Variants in EEA1 observed in about 807,000 individuals in gnomAD.
EEA1 encodes early endosome antigen 1, 162kD.
EEA1 carries 111 observed loss-of-function variants against 209.2 expected under a neutral mutation model. That is an observed-to-expected ratio of 0.53 (90% CI 0.45 to 0.62). The LOEUF (loss-of-function observed/expected upper bound fraction) is 0.62. Among genes scored for constraint, EEA1 ranks in the 20% least tolerant of loss-of-function variants. The probability of loss-of-function intolerance (pLI) is 0.00; values close to 1 mark genes in which losing one functional copy is unlikely to be tolerated. For synonymous variants in EEA1, 536 were observed against 540.6 expected (o/e 0.99, Z 0.12); for missense variants, 1,343 against 1,530.8 (o/e 0.88, Z 2.05).
At chr12:92,780,885 C>T (rs148821371) in intron 23 of EEA1, among the ~76,000 whole-genome samples, 3 of 152,222 alleles carry the variant, frequency 2.0e-5, no homozygotes, top group Non-Finnish European at 4.4e-5. Flanking sequence ...CTAAAGCTCA[C>T]ACAACTAAAC....
At chr12:92,865,691 C>T (rs1333543638) in intron 2 of EEA1, among the ~76,000 whole-genome samples, 1 of 151,580 alleles carries the variant, frequency 6.6e-6, no homozygotes, top group African/African-American at 2.4e-5. Context: ...ATGAAATCAA[C>T]TTACTGGGTT....
intron 2 of EEA1, among the ~76,000 whole-genome samples, chr12:92,889,094 G>A (rs1303975802): frequency 6.6e-6 from 1 of 151,726 alleles, no homozygotes; most frequent in Non-Finnish European, 1.5e-5. Flanking sequence ...GGAGATTGCA[G>A]TGACCCAAGA....
At chr12:92,827,083 T>C (rs1876341896) in intron 12 of EEA1, among the ~76,000 whole-genome samples, 1 of 152,164 alleles carries the variant, frequency 6.6e-6, no homozygotes, top group South Asian at 2.1e-4. Flanking sequence ...TGGCCAGTTG[T>C]GGTGGCTCAC....
At chr12:92,908,000 A>G (rs947565525) in intron 1 of EEA1, among the ~76,000 whole-genome samples, 2 of 152,184 alleles carry the variant, frequency 1.3e-5, no homozygotes, top group African/African-American at 4.8e-5. Context: ...TAAAACCTAA[A>G]TGAACTAAAA....
intron 18 of EEA1, 119 bp from the exon 19 acceptor site, chr12:92,802,853 T>A: frequency 1.4e-6 from 1 of 722,472 alleles, no homozygotes; most frequent in Non-Finnish European, 2.1e-6. Flanking sequence ...AGTTCACAAG[T>A]AAAAATAATT....
At chr12:92,825,317 G>T (rs887096295) in intron 13 of EEA1, among the ~76,000 whole-genome samples, 1 of 152,086 alleles carries the variant, frequency 6.6e-6, no homozygotes, top group Non-Finnish European at 1.5e-5. Context: ...CGGGCACGGT[G>T]GCGGACGCCT....
chr12:92,777,724 G>A, intron 26 of EEA1, 61 bp from the exon 27 acceptor site: 1 of 1,509,978 alleles, frequency 6.6e-7, no homozygotes, highest in Non-Finnish European at 8.9e-7. Context: ...ACCCTTCTAG[G>A]GTATAGATAA....
intron 21 of EEA1, among the ~76,000 whole-genome samples, chr12:92,794,119 AC>A (rs1281214838): frequency 6.6e-6 from 1 of 152,268 alleles, no homozygotes; most frequent in Non-Finnish European, 1.5e-5. Flanking sequence ...GCCAACAGAC[AC>A]AGGAAAAAAT....
At chr12:92,904,815 A>G (rs553444909) in intron 1 of EEA1, among the ~76,000 whole-genome samples, 1 of 152,330 alleles carries the variant, frequency 6.6e-6, no homozygotes, top group South Asian at 2.1e-4. Flanking sequence ...TTCTGTCCCC[A>G]TGAATTTAGA....
intron 13 of EEA1, among the ~76,000 whole-genome samples, chr12:92,820,866 T>C (rs911745870): frequency 6.6e-6 from 1 of 152,046 alleles, no homozygotes; most frequent in Non-Finnish European, 1.5e-5. Context: ...CAATTCTCCC[T>C]CACCCCTCAC....
At chr12:92,914,454 G>A (rs764894015) in intron 1 of EEA1, among the ~76,000 whole-genome samples, 5 of 151,846 alleles carry the variant, frequency 3.3e-5, no homozygotes, top group East Asian at 3.9e-4. Context: ...TTGGTTATTC[G>A]CTCTCTTTTT....
At chr12:92,877,531 A>G (rs1345732811) in intron 2 of EEA1, among the ~76,000 whole-genome samples, 1 of 150,432 alleles carries the variant, frequency 6.6e-6, no homozygotes, top group Admixed American at 6.6e-5. Flanking sequence ...TAAAATTAAA[A>G]TAATTTTTTT....
At position 92,802,515 on chromosome 12, in the gene EEA1, T is replaced by C; in HGVS notation, c.2559A>G (p.Thr853=). 6.3e-7 allele frequency: 1 copy of C among 1,596,774 alleles called. No homozygotes were observed. Among genetic ancestry groups the C allele is most frequent in the Non-Finnish European group, 8.5e-7 (1 of 1,174,808 alleles). Residue 853 remains threonine, a synonymous_variant, in exon 19 of 29, where the codon ACA becomes ACG. Transcript: ENST00000322349. ...GTTTGTCCTTTACTGTAGAAAGCTC[T>C]GTCATTAAAGCTTCTTTCTCCATTT... ...KVKMEKEALM[T]ELSTVKDKLS...
intron 1 of EEA1, among the ~76,000 whole-genome samples, chr12:92,903,955 A>C (rs1880259797): frequency 6.6e-6 from 1 of 151,778 alleles, no homozygotes; most frequent in Non-Finnish European, 1.5e-5. Context: ...ATTACTTTTT[A>C]AAGTTTTCTG....
intron 10 of EEA1, among the ~76,000 whole-genome samples, chr12:92,840,009 CT>C (rs1195616807): frequency 6.6e-6 from 1 of 152,196 alleles, no homozygotes; most frequent in Non-Finnish European, 1.5e-5. Flanking sequence ...GCTACAGTTT[CT>C]GAAAACTTGA....
chr12:92,803,501 C>T (rs1458501795), intron 18 of EEA1, among the ~76,000 whole-genome samples: 1 of 151,916 alleles, frequency 6.6e-6, no homozygotes, highest in African/African-American at 2.4e-5. Flanking sequence ...AAACCAGATG[C>T]TAAGTAACAG....
intron 11 of EEA1, 43 bp from the exon 12 acceptor site, chr12:92,828,104 A>AC (rs1876408487): frequency 7.1e-7 from 1 of 1,410,168 alleles, no homozygotes; most frequent in Non-Finnish European, 9.3e-7. Context: ...ATGTACAAAC[A>AC]CACACACAGC....
At chr12:92,781,222 G>A (rs1421551873) in intron 23 of EEA1, among the ~76,000 whole-genome samples, 1 of 152,088 alleles carries the variant, frequency 6.6e-6, no homozygotes, top group Non-Finnish European at 1.5e-5. Flanking sequence ...ATGAACAAGA[G>A]TTCTGTCAGA....
chr12:92,824,561 T>C lies in EEA1; in HGVS notation c.1524+1605A>G, dbSNP rs141213036. ...TAACACTCTCCCATCCAGCCCTGAC[T>C]TCCCGTTATTCTTGAGACATGCTCC... On this transcript the variant is annotated intron_variant, in intron 13 of 28. Transcript: ENST00000322349. Among the ~76,000 whole-genome samples the C allele has an allele frequency of 2.9e-3, 440 of 152,308 alleles. 2 individuals carry two copies. Among genetic ancestry groups the C allele is most frequent in the African/African-American group, 9.9e-3 (413 of 41,566 alleles).
Sources: gnomAD v4.1 joint callset for allele counts (sites outside exome capture counted in the v4.1 genomes callset) on GRCh38, gnomAD v4.1.1 for gene constraint, MANE v1.5 for transcripts, NCBI Gene and HGNC (gene_info 2026-07-23, HGNC 2026-07-21) for gene names.